The following LMO7 variants were observed in gnomAD, a reference collection of about 807,000 sequenced individuals.
LMO7 encodes the protein LIM domain only protein 7.
Under a neutral mutation model 206.5 loss-of-function variants are expected in LMO7, and 120 were observed. The observed-to-expected ratio is 0.58, with a 90% confidence interval of 0.50 to 0.68. The LOEUF (loss-of-function observed/expected upper bound fraction) is 0.68, where lower values mean the gene tolerates loss of function less well. Among genes scored for constraint, LMO7 ranks in the 30% least tolerant of loss-of-function variants. The pLI, the probability that LMO7 is intolerant of heterozygous loss-of-function variation, is 0.00. For missense variants in LMO7, 1,959 were observed against 1,957.9 expected (o/e 1.00, Z -0.01); for synonymous variants, 706 against 681.5 (o/e 1.04, Z -0.56).
chr13:75,747,537 A>G (rs1362811865), intron 3 of LMO7, among the ~76,000 whole-genome samples: 1 of 152,206 alleles, frequency 6.6e-6, no homozygotes, highest in Non-Finnish European at 1.5e-5. Flanking sequence ...CTAAACTCTC[A>G]CAATTACACT....
chr13:75,771,127 A>G (rs952091973), intron 4 of LMO7, among the ~76,000 whole-genome samples: 3 of 152,086 alleles, frequency 2.0e-5, no homozygotes, highest in Admixed American at 6.6e-5. Flanking sequence ...TCACATTATG[A>G]TCTAAAATTT....
chr13:75,666,763 G>A (rs1042093692), intron 1 of LMO7, among the ~76,000 whole-genome samples: 1 of 152,206 alleles, frequency 6.6e-6, no homozygotes, highest in Admixed American at 6.5e-5. Flanking sequence ...GAATGCAGTA[G>A]GAAGTCATTG....
At chr13:75,641,789 G>T (rs2036557895) in intron 1 of LMO7, among the ~76,000 whole-genome samples, 1 of 151,944 alleles carries the variant, frequency 6.6e-6, no homozygotes, top group African/African-American at 2.4e-5. Context: ...CGAGTAGCTG[G>T]GAGTGTACCA....
At chr13:75,725,719 T>C (rs750266555) in intron 2 of LMO7, among the ~76,000 whole-genome samples, 6 of 152,084 alleles carry the variant, frequency 3.9e-5, no homozygotes, top group Non-Finnish European at 8.8e-5. Flanking sequence ...ATAATTGTTC[T>C]AGGAAATTGC....
intron 4 of LMO7, among the ~76,000 whole-genome samples, chr13:75,781,760 C>T (rs535170061): frequency 6.6e-6 from 1 of 152,028 alleles, no homozygotes; most frequent in South Asian, 2.1e-4. Flanking sequence ...TAAAAGTGTT[C>T]CTATTTCTCC....
chr13:75,760,818 C>T, intron 3 of LMO7, 114 bp from the exon 4 acceptor site: 2 of 1,553,878 alleles, frequency 1.3e-6, no homozygotes, highest in Non-Finnish European at 1.7e-6. Flanking sequence ...TTGCTGCTGC[C>T]TCTTTTGCTG....
At chr13:75,735,861 TAGTA>T (rs1254529861) in intron 3 of LMO7, among the ~76,000 whole-genome samples, 5 of 151,910 alleles carry the variant, frequency 3.3e-5, no homozygotes, top group Non-Finnish European at 7.4e-5. Context: ...ATACTTTTAA[TAGTA>T]AGTTTCAATA....
At chr13:75,735,825 T>A (rs1468036906) in intron 3 of LMO7, among the ~76,000 whole-genome samples, 1 of 151,084 alleles carries the variant, frequency 6.6e-6, no homozygotes, top group African/African-American at 2.5e-5. Context: ...AAAAATGACT[T>A]ATAAAATAAC....
intron 3 of LMO7, among the ~76,000 whole-genome samples, chr13:75,736,109 A>G (rs2045799883): frequency 6.6e-6 from 1 of 152,244 alleles, no homozygotes; most frequent in South Asian, 2.1e-4. Context: ...TTTTATTTTT[A>G]AATTCAAAGA....
chr13:75,838,923 T>C (rs1322380628), intron 20 of LMO7, among the ~76,000 whole-genome samples: 1 of 152,196 alleles, frequency 6.6e-6, no homozygotes, highest in African/African-American at 2.4e-5. Flanking sequence ...ATAGTCAACA[T>C]TTGAGATGCA....
intron 1 of LMO7, among the ~76,000 whole-genome samples, chr13:75,644,256 A>G (rs2036819629): frequency 6.6e-6 from 1 of 152,172 alleles, no homozygotes; most frequent in South Asian, 2.1e-4. Flanking sequence ...ATAATGGACT[A>G]TTCTTACTGA....
intron 4 of LMO7, among the ~76,000 whole-genome samples, chr13:75,792,511 C>T (rs191822528): frequency 1.3e-5 from 2 of 152,278 alleles, no homozygotes; most frequent in Admixed American, 1.3e-4. Context: ...CTAAGGCTGT[C>T]TTATATTTCA....
chr13:75,723,462 G>A (rs1459121866), intron 2 of LMO7, among the ~76,000 whole-genome samples: 1 of 152,088 alleles, frequency 6.6e-6, no homozygotes, highest in African/African-American at 2.4e-5. Context: ...GAGCTCAAAA[G>A]GTGTCCATAA....
intron 15 of LMO7, among the ~76,000 whole-genome samples, chr13:75,828,924 A>C (rs776603549): frequency 6.6e-6 from 1 of 152,140 alleles, no homozygotes; most frequent in Non-Finnish European, 1.5e-5. Context: ...AGTGGGGAAC[A>C]GTTAGGGGAA....
chr13:75,644,790 C>G (rs1181260263), intron 1 of LMO7, among the ~76,000 whole-genome samples: 2 of 152,028 alleles, frequency 1.3e-5, no homozygotes, highest in South Asian at 2.1e-4. Context: ...ACCACCACAC[C>G]CAGATAATTT....
intron 15 of LMO7, among the ~76,000 whole-genome samples, chr13:75,828,209 G>A (rs1453623007): frequency 2.6e-5 from 4 of 152,214 alleles, no homozygotes; most frequent in African/African-American, 7.2e-5. Flanking sequence ...CATCAGTCAT[G>A]TGTGCCTTGA....
chr13:75,741,738 A>G (rs956304271), intron 3 of LMO7, among the ~76,000 whole-genome samples: 3 of 152,214 alleles, frequency 2.0e-5, no homozygotes, highest in Non-Finnish European at 4.4e-5. Flanking sequence ...CCTCAAAATA[A>G]TAAGAGCCAT....
In LMO7 at chr13:75,807,472, T is replaced by C. The variant is rs373674858; in HGVS notation, c.1197-8T>C. ...GATTCTCTTTCCTTTTTCCTCTCTG[T>C]GCATCAGTCAGTTTTTACTGCTTCA... On this transcript the variant is annotated splice_polypyrimidine_tract_variant and splice_region_variant and intron_variant, in intron 9 of 30. Transcript: ENST00000377534. 3.8e-5 allele frequency: 61 copies of C among 1,612,122 alleles called. No homozygotes were observed. The highest frequency in any genetic ancestry group is 5.0e-5 in the Non-Finnish European group (59 of 1,179,384).
intron 3 of LMO7, among the ~76,000 whole-genome samples, chr13:75,757,650 T>A (rs1202047081): frequency 6.6e-6 from 1 of 152,172 alleles, no homozygotes; most frequent in African/African-American, 2.4e-5. Flanking sequence ...ATGAAAATCT[T>A]AAAGCCATGT....
Sources: allele counts gnomAD v4.1 joint callset (sites outside exome capture counted in the v4.1 genomes callset), GRCh38; gene constraint gnomAD v4.1.1; transcripts MANE v1.5; gene names NCBI Gene and HGNC (gene_info 2026-07-23, HGNC 2026-07-21).